C17orf67: variants seen among roughly 807,000 people sequenced by gnomAD.
The protein encoded by C17orf67 is chromosome 17 open reading frame 67.
C17orf67 carries 12 observed loss-of-function variants against 11.2 expected under a neutral mutation model. That is an observed-to-expected ratio of 1.07 (90% CI 0.68 to 1.73). The LOEUF (loss-of-function observed/expected upper bound fraction) is 1.73, where lower values mean the gene tolerates loss of function less well. C17orf67 is among the 40% of genes most tolerant of loss of function. The probability of loss-of-function intolerance (pLI) is 0.00; values close to 1 mark genes in which losing one functional copy is unlikely to be tolerated. For missense variants in C17orf67, 115 were observed against 113.5 expected (o/e 1.01, Z -0.06); for synonymous variants, 59 against 46.9 (o/e 1.26, Z -1.05).
intron 2 of C17orf67, among the ~76,000 whole-genome samples, chr17:56,827,863 C>G (rs1352887781): frequency 1.3e-5 from 2 of 152,202 alleles, no homozygotes; most frequent in Non-Finnish European, 2.9e-5. Flanking sequence ...GAGTATTTAA[C>G]ACACCTCAGA....
chr17:56,823,997 T>C (rs1265911568), intron 4 of C17orf67, among the ~76,000 whole-genome samples: 2 of 152,322 alleles, frequency 1.3e-5, no homozygotes, highest in Non-Finnish European at 2.9e-5. Flanking sequence ...CAAAAGCTTA[T>C]TTGTACTTTA....
intron 4 of C17orf67, among the ~76,000 whole-genome samples, chr17:56,820,459 C>T (rs1000365471): frequency 2.6e-5 from 4 of 152,042 alleles, no homozygotes; most frequent in African/African-American, 7.2e-5. Context: ...CACACTCACG[C>T]GGGGACAATT....
At chr17:56,794,510 A>C (rs896913120) in intron 7 of C17orf67, among the ~76,000 whole-genome samples, 4 of 152,148 alleles carry the variant, frequency 2.6e-5, no homozygotes, top group Admixed American at 6.5e-5. Flanking sequence ...AAAGCTGGGC[A>C]GTACCCTGCT....
rs1341043382 is a variant in C17orf67 at position 56,792,366 on chromosome 17, A to G, written c.*21-14T>C. 2 of 152,138 alleles carry G rather than the reference A, an allele frequency of 1.3e-5. No individual in the cohort carries two copies. Among genetic ancestry groups the G allele is most frequent in the Admixed American group, 1.3e-4 (2 of 15,276 alleles). The allele number at this position is 152,138 out of a possible 1,614,324, so 9.4% of individuals were successfully genotyped here. On this transcript the variant is annotated splice_polypyrimidine_tract_variant and intron_variant, in intron 7 of 7. Coordinates refer to ENST00000397861, the MANE Select transcript of C17orf67 (RefSeq NM_001085430.4). ...TTAAAATGCTTGCTGAAAAAGAACA[A>G]GAAAATAACATTAGGATAATGATAA...
intron 6 of C17orf67, among the ~76,000 whole-genome samples, chr17:56,798,187 G>A (rs376982581): frequency 7.2e-4 from 109 of 152,200 alleles, no homozygotes; most frequent in African/African-American, 2.4e-3. Flanking sequence ...TACCCAGCCC[G>A]ACTGCCTCTG....
chr17:56,824,473 C>T (rs376154896), intron 4 of C17orf67, among the ~76,000 whole-genome samples: 1 of 152,188 alleles, frequency 6.6e-6, no homozygotes, highest in South Asian at 2.1e-4. Context: ...TGATGGGCTC[C>T]CCATTCTCCC....
At chr17:56,797,123 C>A (rs1905228841) in intron 6 of C17orf67, among the ~76,000 whole-genome samples, 1 of 152,176 alleles carries the variant, frequency 6.6e-6, no homozygotes, top group Non-Finnish European at 1.5e-5. Context: ...AATCTCTATG[C>A]TTCTCAAAAA....
At chr17:56,815,695 A>G in intron 5 of C17orf67, 61 bp downstream of exon 5, 1 of 1,394,902 alleles carries the variant, frequency 7.2e-7, no homozygotes, top group African/African-American at 1.4e-5. Flanking sequence ...ATTAAATATC[A>G]AATAGACTAT....
Position 56,815,742 on chromosome 17 carries a change from G to C in C17orf67, c.55+14C>G, listed in dbSNP as rs374669169. On this transcript the variant is annotated intron_variant, in intron 5 of 7. Coordinates refer to ENST00000397861, the MANE Select transcript of C17orf67 (RefSeq NM_001085430.4). Reference sequence around the variant, plus strand: ...TCAGCATAGAAATAGGCTGTTTTTGGAGTCAGTGCCCACCTGAGAAGACAG... The same window carrying C: ...TCAGCATAGAAATAGGCTGTTTTTGCAGTCAGTGCCCACCTGAGAAGACAG... 1.3e-5 allele frequency: 21 copies of C among 1,586,980 alleles called. No homozygotes were observed. The African/African-American group carries it at 1.9e-4, about 14-fold the overall frequency.
chr17:56,814,641 C>T (rs556637337), intron 6 of C17orf67, among the ~76,000 whole-genome samples: 4 of 152,174 alleles, frequency 2.6e-5, no homozygotes, highest in Admixed American at 6.5e-5. Flanking sequence ...CCACCATTGG[C>T]CTCATTATTT....
intron 6 of C17orf67, 78 bp from the exon 7 acceptor site, chr17:56,795,258 G>T: frequency 7.7e-7 from 1 of 1,303,938 alleles, no homozygotes; most frequent in Non-Finnish European, 1.1e-6. Context: ...TGTGGCTCTG[G>T]CTCCCTAGAC....
chr17:56,829,533 C>A (rs1459653124), intron 2 of C17orf67, among the ~76,000 whole-genome samples: 3 of 152,274 alleles, frequency 2.0e-5, no homozygotes, highest in East Asian at 3.9e-4. Context: ...GGTCTTAGGG[C>A]AGCGCTGTTC....
At chr17:56,794,046 G>A (rs147439412) in intron 7 of C17orf67, among the ~76,000 whole-genome samples, 74 of 152,260 alleles carry the variant, frequency 4.9e-4, no homozygotes, top group African/African-American at 1.7e-3. Flanking sequence ...GCAGATTTAC[G>A]GTGGTCAGAA....
intron 6 of C17orf67, among the ~76,000 whole-genome samples, chr17:56,811,048 A>G (rs920296412): frequency 6.6e-6 from 1 of 151,976 alleles, no homozygotes; most frequent in Non-Finnish European, 1.5e-5. Context: ...TTCTAGGGAT[A>G]CCCCTCCAGG....
At chr17:56,798,295 T>A (rs1035755301) in intron 6 of C17orf67, among the ~76,000 whole-genome samples, 26 of 152,118 alleles carry the variant, frequency 1.7e-4, no homozygotes, top group African/African-American at 6.3e-4. Context: ...TGGGGTTTTT[T>A]TTATTGTTTT....
intron 2 of C17orf67, among the ~76,000 whole-genome samples, chr17:56,831,008 G>A (rs1006500501): frequency 6.6e-5 from 10 of 152,238 alleles, no homozygotes; most frequent in Admixed American, 3.9e-4. Flanking sequence ...CTCAGTGAAC[G>A]ATGGCCAGAG....
At chr17:56,811,907 C>A (rs1905637912) in intron 6 of C17orf67, among the ~76,000 whole-genome samples, 1 of 152,228 alleles carries the variant, frequency 6.6e-6, no homozygotes, top group Admixed American at 6.5e-5. Context: ...TGATTTCTCC[C>A]AGATGGCCTA....
chr17:56,799,898 G>A (rs149794535), intron 6 of C17orf67, among the ~76,000 whole-genome samples: 1 of 150,700 alleles, frequency 6.6e-6, no homozygotes, highest in African/African-American at 2.4e-5. Context: ...TGTCAGAATG[G>A]GTTTTTAAAA....
chr17:56,815,814 G>T lies in C17orf67; in HGVS notation c.-4C>A. The T allele has an allele frequency of 6.2e-7, 1 of 1,613,866 alleles. No homozygotes were observed. Among genetic ancestry groups the T allele is most frequent in the Non-Finnish European group, 8.5e-7 (1 of 1,179,876 alleles). ...CGAGCACAGGCAATGTCTTCATCCTGCCTTGGTTCCTCTGCCTCTTGCTGA... is the reference window on the plus strand; with the variant it reads ...CGAGCACAGGCAATGTCTTCATCCTTCCTTGGTTCCTCTGCCTCTTGCTGA... On this transcript the variant is annotated 5_prime_UTR_variant, in exon 5 of 8. Transcript: ENST00000397861.
Sources: gnomAD v4.1 joint callset for allele counts (sites outside exome capture counted in the v4.1 genomes callset) on GRCh38, gnomAD v4.1.1 for gene constraint, MANE v1.5 for transcripts, NCBI Gene and HGNC (gene_info 2026-07-23, HGNC 2026-07-21) for gene names.